The following THRB variants were observed in gnomAD, a reference collection of about 807,000 sequenced individuals.
The protein encoded by THRB is nuclear receptor subfamily 1 group A member 2.
Under a neutral mutation model 47.8 loss-of-function variants are expected in THRB, and 12 were observed. The observed-to-expected ratio is 0.25, with a 90% CI of 0.16 to 0.41. The LOEUF is 0.41. Among genes scored for constraint, THRB ranks in the 10% least tolerant of loss-of-function variants. The pLI, the probability that THRB is intolerant of heterozygous loss-of-function variation, is 1.00. For missense variants in THRB, 348 were observed against 589.2 expected (o/e 0.59, Z 4.24); for synonymous variants, 218 against 212.2 (o/e 1.03, Z -0.24).
At chr3:24,309,858 C>T (rs2057627908) in intron 2 of THRB, among the ~76,000 whole-genome samples, 2 of 152,052 alleles carry the variant, frequency 1.3e-5, no homozygotes, top group African/African-American at 2.4e-5. Context: ...AGGATGTATA[C>T]CACTGATTAA....
intron 9 of THRB, among the ~76,000 whole-genome samples, chr3:24,131,382 G>A (rs76900667): frequency 0.13 from 19,180 of 152,144 alleles, 1,361 homozygotes; most frequent in South Asian, 0.22. Context: ...TTCTAAAAAA[G>A]GCGTCAAAGG....
At chr3:24,363,877 G>C (rs1215483037) in intron 1 of THRB, among the ~76,000 whole-genome samples, 1 of 152,132 alleles carries the variant, frequency 6.6e-6, no homozygotes, top group East Asian at 1.9e-4. Flanking sequence ...AAATGTGGCA[G>C]TATTCTTTCT....
rs547216780 is a variant in THRB, at chr3:24,172,817, T to G, written c.283+17257A>C. Reference sequence around the variant, plus strand: ...GGCAGTCCTGGTGGCTTCCTCAACCTGGACACCCTCTTTGTGGGTCTAAAT... The same window carrying G: ...GGCAGTCCTGGTGGCTTCCTCAACCGGGACACCCTCTTTGTGGGTCTAAAT... On this transcript the variant is annotated intron_variant, in intron 5 of 10. Coordinates refer to ENST00000646209, the MANE Select transcript of THRB (RefSeq NM_001354712.2). 2.0e-4 allele frequency among the ~76,000 whole-genome samples: 31 copies of G among 152,286 alleles called. No individual in the cohort carries two copies. In the South Asian group the frequency reaches 6.4e-3, roughly 32 times the overall value.
At chr3:24,144,389 A>G (rs549633264) in intron 7 of THRB, 2 of 153,148 alleles carry the variant, frequency 1.3e-5, no homozygotes, top group African/African-American at 4.8e-5. Context: ...TTGAATTCTG[A>G]TATTATTACA....
chr3:24,402,900 C>T (rs1425146259), intron 1 of THRB, among the ~76,000 whole-genome samples: 17 of 151,958 alleles, frequency 1.1e-4, no homozygotes, highest in Admixed American at 1.1e-3. Context: ...TTGATAAAGC[C>T]ATGTTGGAGA....
At chr3:24,192,734 T>C (rs1235581818) in intron 4 of THRB, among the ~76,000 whole-genome samples, 1 of 152,058 alleles carries the variant, frequency 6.6e-6, no homozygotes, top group Non-Finnish European at 1.5e-5. Flanking sequence ...AGGCTACACT[T>C]GGGGTGAGGT....
At chr3:24,143,421 C>T in intron 8 of THRB, 80 bp downstream of exon 8, 2 of 1,384,184 alleles carry the variant, frequency 1.4e-6, no homozygotes, top group Non-Finnish European at 2.1e-6. Context: ...CACCAGTATC[C>T]CAAGGTGATG....
intron 1 of THRB, among the ~76,000 whole-genome samples, chr3:24,369,314 G>C (rs571008417): frequency 7.6e-4 from 115 of 152,154 alleles, no homozygotes; most frequent in African/African-American, 2.7e-3. Context: ...AACTCTGCTG[G>C]GAGGTTTGAC....
chr3:24,438,004 G>T (rs901336093), intron 1 of THRB, among the ~76,000 whole-genome samples: 3 of 151,680 alleles, frequency 2.0e-5, no homozygotes, highest in African/African-American at 7.3e-5. Flanking sequence ...TTTTTCAAGG[G>T]CTTTATACTT....
chr3:24,382,586 A>G (rs1318176217), intron 1 of THRB, among the ~76,000 whole-genome samples: 1 of 152,080 alleles, frequency 6.6e-6, no homozygotes, highest in Non-Finnish European at 1.5e-5. Context: ...GGGGGAGGGA[A>G]TCTTCAAAAT....
intron 1 of THRB, among the ~76,000 whole-genome samples, chr3:24,404,723 A>G (rs553515343): frequency 6.6e-6 from 1 of 151,968 alleles, no homozygotes; most frequent in South Asian, 2.1e-4. Flanking sequence ...TTCTCTTGTA[A>G]TTTCTAATGT....
At chr3:24,316,380 T>G (rs1322925405) in intron 2 of THRB, among the ~76,000 whole-genome samples, 3 of 152,092 alleles carry the variant, frequency 2.0e-5, no homozygotes, top group African/African-American at 7.2e-5. Context: ...TCCTTCCTTT[T>G]TTCTCTTTTC....
intron 1 of THRB, among the ~76,000 whole-genome samples, chr3:24,444,081 T>C (rs62255442): frequency 0.043 from 6,545 of 152,156 alleles, 190 homozygotes; most frequent in Non-Finnish European, 0.064. Flanking sequence ...TTCTTTAACA[T>C]GGTTAGAAAA....
intron 9 of THRB, among the ~76,000 whole-genome samples, chr3:24,127,973 T>C (rs1441126234): frequency 6.6e-6 from 1 of 152,210 alleles, no homozygotes; most frequent in Non-Finnish European, 1.5e-5. Flanking sequence ...AACTTTAACC[T>C]CAGGAGTTTG....
At chr3:24,239,287 G>A (rs2049236603) in intron 3 of THRB, among the ~76,000 whole-genome samples, 1 of 152,014 alleles carries the variant, frequency 6.6e-6, no homozygotes. Context: ...GGTTCTGTTG[G>A]CTCTTTATCA....
At chr3:24,188,965 C>A (rs1353621566) in intron 5 of THRB, among the ~76,000 whole-genome samples, 2 of 149,814 alleles carry the variant, frequency 1.3e-5, no homozygotes, top group Non-Finnish European at 3.0e-5. Flanking sequence ...GCTCAGAACA[C>A]TATTTCACTA....
intron 1 of THRB, among the ~76,000 whole-genome samples, chr3:24,339,845 A>T (rs2062512331): frequency 6.6e-6 from 1 of 152,234 alleles, no homozygotes; most frequent in South Asian, 2.1e-4. Context: ...GACTCAAAGC[A>T]AAAATGAGAA....
chr3:24,395,806 G>T (rs2066916249), intron 1 of THRB, among the ~76,000 whole-genome samples: 1 of 152,060 alleles, frequency 6.6e-6, no homozygotes, highest in African/African-American at 2.4e-5. Flanking sequence ...AAAAAAACTT[G>T]TACATGAATG....
chr3:24,364,205 C>A (rs2064288043), intron 1 of THRB, among the ~76,000 whole-genome samples: 1 of 152,074 alleles, frequency 6.6e-6, no homozygotes, highest in Admixed American at 6.6e-5. Flanking sequence ...TAGGGGGTAG[C>A]TTTGGAAATG....
Sources: allele counts gnomAD v4.1 joint callset (sites outside exome capture counted in the v4.1 genomes callset), GRCh38; gene constraint gnomAD v4.1.1; transcripts MANE v1.5; gene names NCBI Gene and HGNC (gene_info 2026-07-23, HGNC 2026-07-21).